The following SATB2 variants were observed in gnomAD, a reference collection of about 807,000 sequenced individuals.
The protein encoded by SATB2 is SATB homeobox 2, also known as DNA-binding protein SATB2.
A neutral mutation model predicts 73.4 loss-of-function variants in SATB2; 1 was observed. The ratio of observed to expected loss-of-function variants is 0.01; its 90% CI spans 0.00 to 0.06. The LOEUF (loss-of-function observed/expected upper bound fraction) is 0.06, where lower values mean the gene tolerates loss of function less well. Ranked by LOEUF, SATB2 falls within the 10% of genes least tolerant of loss-of-function variation. The pLI, the probability that SATB2 is intolerant of heterozygous loss-of-function variation, is 1.00. For synonymous variants in SATB2, 397 were observed against 367.0 expected (o/e 1.08, Z -0.93); for missense variants, 459 against 945.8 (o/e 0.49, Z 6.75).
chr2:199,308,260 G>A lies in SATB2; in HGVS notation c.1740+500C>T, dbSNP rs1049404372. 1.3e-5 allele frequency among the ~76,000 whole-genome samples: 2 copies of A among 152,122 alleles called. No homozygotes were observed. Among genetic ancestry groups the A allele is most frequent in the African/African-American group, 4.8e-5 (2 of 41,410 alleles). ...GCAAAAACTCATCTTAAAATTCTAA[G>A]AATCTGTCACAATCTGTCTCTCAAG... On this transcript the variant is annotated intron_variant, in intron 10 of 10. Transcript: ENST00000417098. This position sits in a 1 kb window ranked among gnomAD's most constrained non-coding sequence, Gnocchi z 4.6.
At chr2:199,313,149 T>A (rs1687640294) in intron 9 of SATB2, among the ~76,000 whole-genome samples, 1 of 152,170 alleles carries the variant, frequency 6.6e-6, no homozygotes, top group Non-Finnish European at 1.5e-5. Flanking sequence ...AATTGCCATA[T>A]GGTGATATAA....
chr2:199,340,429 C>G (rs1374358), intron 7 of SATB2, among the ~76,000 whole-genome samples: 139,356 of 152,172 alleles, frequency 0.92, 65,039 homozygotes, highest in East Asian at 1. Flanking sequence ...ACTGAAGGAG[C>G]AAGATACCAA....
intron 1 of SATB2, chr2:199,470,986 CCAG>C (rs1692694701): frequency 6.6e-6 from 1 of 152,464 alleles, no homozygotes; most frequent in Non-Finnish European, 1.5e-5. Context: ...AAGGCTACAG[CCAG>C]GGGCTGGGGG....
chr2:199,438,677 G>T (rs571949085), intron 2 of SATB2, among the ~76,000 whole-genome samples: 14 of 152,364 alleles, frequency 9.2e-5, no homozygotes, highest in African/African-American at 2.6e-4. Context: ...TGCAGCTGCA[G>T]CAGGGCGTCT....
At chr2:199,437,829 C>T (rs1158261834) in intron 2 of SATB2, among the ~76,000 whole-genome samples, 11 of 151,762 alleles carry the variant, frequency 7.2e-5, no homozygotes, top group African/African-American at 2.7e-4. Context: ...TTTTCAAGGC[C>T]TATAATCAAT....
intron 5 of SATB2, among the ~76,000 whole-genome samples, chr2:199,376,582 C>T (rs1322237925): frequency 2.0e-5 from 3 of 152,036 alleles, no homozygotes; most frequent in African/African-American, 7.2e-5. Context: ...AATTATCCTG[C>T]TAAAAGGTTA....
At chr2:199,273,595 CTAATT>C (rs750808525) in intron 10 of SATB2, among the ~76,000 whole-genome samples, 1 of 152,106 alleles carries the variant, frequency 6.6e-6, no homozygotes, top group Admixed American at 6.5e-5. Context: ...AATATTCAAA[CTAATT>C]TAAAGACATA....
Position 199,271,813 on chromosome 2 carries a change from C to A in SATB2, c.*398G>T. On this transcript the variant is annotated 3_prime_UTR_variant, in exon 11 of 11. Transcript: ENST00000417098. ...AGATATATACATATACATATACACACACACTTGTAGCTTCCTTCATTTATT... is the reference window on the plus strand; with the variant it reads ...AGATATATACATATACATATACACAAACACTTGTAGCTTCCTTCATTTATT... The A allele has an allele frequency of 3.5e-6, 1 of 289,220 alleles. No homozygotes were observed. The highest frequency in any genetic ancestry group is 4.8e-5 in the Admixed American group (1 of 20,892). The allele number at this position is 289,220 out of a possible 1,614,324, so 17.9% of individuals were successfully genotyped here.
chr2:199,296,129 C>G (rs1036058392), intron 10 of SATB2, among the ~76,000 whole-genome samples: 12 of 152,120 alleles, frequency 7.9e-5, no homozygotes, highest in African/African-American at 2.9e-4. Flanking sequence ...CCAAAACTAT[C>G]AGTCATAAGA....
Position 199,463,150 on chromosome 2 carries a change from AC to A in SATB2, c.-141+1685del, listed in dbSNP as rs941250089. Among the ~76,000 whole-genome samples the A allele has an allele frequency of 7.9e-5, 12 of 152,142 alleles. No homozygotes were observed. Among genetic ancestry groups the A allele is most frequent in the Non-Finnish European group, 1.6e-4 (11 of 68,014 alleles). The stretch of plus-strand genomic sequence containing the variant: ...GCGGCCTGGAGCACCACCCTACCAC[AC>A]CAGGCAACGCCCCCCGGGGCGCCCT... On this transcript the variant is annotated intron_variant, in intron 1 of 11. Coordinates refer to the SATB2 transcript ENST00000260926. This position sits in a 1 kb window ranked among gnomAD's most constrained non-coding sequence, Gnocchi z 6.4.
At chr2:199,335,835 A>C (rs1688320845) in intron 7 of SATB2, among the ~76,000 whole-genome samples, 1 of 152,200 alleles carries the variant, frequency 6.6e-6, no homozygotes, top group African/African-American at 2.4e-5. Context: ...TCTGTAATTT[A>C]TTAAGTAAAA....
intron 3 of SATB2, among the ~76,000 whole-genome samples, chr2:199,400,614 T>C (rs1690442424): frequency 6.6e-6 from 1 of 152,226 alleles, no homozygotes; most frequent in African/African-American, 2.4e-5. Context: ...ACAATGATTA[T>C]AATATCATGA....
chr2:199,429,111 T>G (rs1370523224), intron 3 of SATB2, among the ~76,000 whole-genome samples: 1 of 152,170 alleles, frequency 6.6e-6, no homozygotes, highest in Non-Finnish European at 1.5e-5. Flanking sequence ...ATTCTTTTTT[T>G]AATCTTCCAC....
At chr2:199,393,975 CCTACTGA>C (rs1212693804) in intron 3 of SATB2, among the ~76,000 whole-genome samples, 1 of 152,044 alleles carries the variant, frequency 6.6e-6, no homozygotes, top group Non-Finnish European at 1.5e-5. Context: ...AAAGCTGCTG[CCTACTGA>C]CTACTAATGG....
At chr2:199,305,512 G>T (rs985275026) in intron 10 of SATB2, among the ~76,000 whole-genome samples, 25 of 151,932 alleles carry the variant, frequency 1.6e-4, no homozygotes, top group African/African-American at 5.6e-4. Flanking sequence ...AAAAAACAAG[G>T]GCTTAAAATG....
Position 199,463,612 on chromosome 2 carries a change from C to G in SATB2, c.-141+1224G>C, listed in dbSNP as rs561493322. Among the ~76,000 whole-genome samples the G allele has an allele frequency of 0.011, 1,608 of 152,304 alleles. 21 individuals are homozygous for G. Among genetic ancestry groups the G allele is most frequent in the Non-Finnish European group, 0.017 (1,130 of 68,022 alleles). On this transcript the variant is annotated intron_variant, in intron 1 of 11. Transcript: ENST00000260926. The surrounding 1 kb of genome is among the most constrained non-coding windows in gnomAD (Gnocchi z 6.4). ...CCGAAACCTTCGGCGCCGGCTCTGC[C>G]GGTCGCGTCCCGGAGCCAACCCTTC...
chr2:199,286,218 G>C (rs758057943), intron 10 of SATB2, among the ~76,000 whole-genome samples: 19 of 152,056 alleles, frequency 1.2e-4, no homozygotes, highest in Non-Finnish European at 1.8e-4. Flanking sequence ...AGGTGGCTGA[G>C]TGAAATGCTT....
At chr2:199,315,660 T>G (rs1687712622) in intron 9 of SATB2, among the ~76,000 whole-genome samples, 1 of 152,070 alleles carries the variant, frequency 6.6e-6, no homozygotes, top group African/African-American at 2.4e-5. Context: ...TGACTAATTT[T>G]CCAGTTTTTA....
Position 199,323,925 on chromosome 2 carries a change from T to G in SATB2, c.1420A>C (p.Ile474Leu), listed in dbSNP as rs765116524. ...KTSTPTTDLP[I>L]KVDGANINIT... ...TTGATGTTGGCGCCGTCCACCTTAA[T>G]AGGGAGGTCTGTTGTCGGTGTCGAG... The change falls in exon 9 of 11, where the codon ATT (isoleucine) becomes CTT (leucine). Residue 474 changes from isoleucine (I) to leucine (L), a missense_variant. This residue lies in a region of SATB2 where 53 missense variants were observed against 70.5 expected (regional missense o/e 0.75). Transcript: ENST00000417098. 2.5e-6 allele frequency: 4 copies of G among 1,613,306 alleles called. No homozygotes were observed. The highest frequency in any genetic ancestry group is 3.4e-6 in the Non-Finnish European group (4 of 1,179,546).
Sources: gnomAD v4.1 joint callset for allele counts (sites outside exome capture counted in the v4.1 genomes callset) on GRCh38, gnomAD v4.1.1 for gene constraint, gnomAD v4.1.1 regional missense constraint, Gnocchi (gnomAD v3.1) non-coding constraint, MANE v1.5 for transcripts, NCBI Gene and HGNC (gene_info 2026-07-23, HGNC 2026-07-21) for gene names.